Variants in TEX11 observed in about 807,000 individuals in gnomAD.
TEX11 encodes testis-expressed protein 11.
Under a neutral mutation model 84.4 loss-of-function variants are expected in TEX11, and 7 were observed. The observed-to-expected ratio is 0.08, with a 90% CI of 0.05 to 0.16. The LOEUF (loss-of-function observed/expected upper bound fraction) is 0.16, where lower values mean the gene tolerates loss of function less well. Ranked by LOEUF, TEX11 falls within the 10% of genes least tolerant of loss-of-function variation. TEX11 has a pLI of 1.00. For missense variants in TEX11, 551 were observed against 660.5 expected (o/e 0.83, Z 1.82); for synonymous variants, 264 against 222.8 (o/e 1.18, Z -1.64).
chrX:70,758,808 C>CA (rs1373902740), intron 9 of TEX11, among the ~76,000 whole-genome samples: 2 of 111,281 alleles, frequency 1.8e-5, no homozygotes, highest in Admixed American at 9.6e-5. Flanking sequence ...AAAAACCCTT[C>CA]AAAAAATCAA....
At chrX:70,583,151 A>C (rs2088803420) in intron 25 of TEX11, among the ~76,000 whole-genome samples, 1 of 111,515 alleles carries the variant, frequency 9.0e-6, no homozygotes, top group Non-Finnish European at 1.9e-5. Flanking sequence ...CAGTTTTGTT[A>C]CATGGATATA....
chrX:70,544,989 G>C (rs184938850), intron 28 of TEX11, among the ~76,000 whole-genome samples: 1 of 110,124 alleles, frequency 9.1e-6, no homozygotes, highest in Admixed American at 9.7e-5. Context: ...ACAATCACTT[G>C]AGGTCAGGAG....
At chrX:70,877,364 A>G (rs2091661117) in intron 3 of TEX11, among the ~76,000 whole-genome samples, 1 of 111,419 alleles carries the variant, frequency 9.0e-6, no homozygotes, top group South Asian at 3.7e-4. Flanking sequence ...TACTATCAAT[A>G]AAAAAACAGA....
In TEX11 at chrX:70,819,320, A is replaced by C. The variant is rs188999532; in HGVS notation, c.607-12530T>G. ...CAATGTGATATATACTATATTAACA[A>C]AATGAAAGATTAAAACCACATGATT... On this transcript the variant is annotated intron_variant, in intron 8 of 29. Transcript: ENST00000374333. Among the ~76,000 whole-genome samples, 25 of 112,365 alleles carry C rather than the reference A, an allele frequency of 2.2e-4. No homozygotes were observed. The Admixed American group carries it at 2.3e-3, about 10-fold the overall frequency.
rs192629752 is a variant in TEX11, at chrX:70,666,427, G to A, written c.1380+3950C>T. Among the ~76,000 whole-genome samples the A allele has an allele frequency of 1.8e-3, 206 of 111,947 alleles. 2 individuals carry two copies. Among genetic ancestry groups the A allele is most frequent in the Non-Finnish European group, 2.6e-3 (137 of 53,183 alleles). On this transcript the variant is annotated intron_variant, in intron 16 of 29. Coordinates refer to ENST00000374333, the MANE Select transcript of TEX11 (RefSeq NM_031276.3). The stretch of plus-strand genomic sequence containing the variant: ...AGTACTCCAGTTGAGGACAAACATA[G>A]TATACAAGGAAATAAAACAGAAACA...
chrX:70,746,823 T>C (rs753025876), intron 9 of TEX11, among the ~76,000 whole-genome samples: 2 of 112,129 alleles, frequency 1.8e-5, no homozygotes, highest in African/African-American at 6.5e-5. Context: ...AGAAAACCTC[T>C]GGGGTCACAC....
chrX:70,577,571 G>C (rs191247127), intron 25 of TEX11, among the ~76,000 whole-genome samples: 1 of 110,837 alleles, frequency 9.0e-6, no homozygotes, highest in Admixed American at 9.6e-5. Flanking sequence ...AAAAGATACC[G>C]CTGAATAAAC....
intron 11 of TEX11, among the ~76,000 whole-genome samples, chrX:70,733,000 C>T (rs1217192034): frequency 2.7e-5 from 3 of 111,750 alleles, no homozygotes; most frequent in Non-Finnish European, 3.8e-5. Flanking sequence ...TAATGCCACA[C>T]ATCTACAACT....
At chrX:70,554,589 G>T in intron 26 of TEX11, 62 bp downstream of exon 26, 1 of 1,069,664 alleles carries the variant, frequency 9.3e-7, no homozygotes, top group Non-Finnish European at 1.2e-6. Flanking sequence ...GTAAAGAGAA[G>T]AAAAAAAGTC....
In TEX11 at chrX:70,629,739, A is replaced by G. The variant is rs761532491; in HGVS notation, c.1484-4T>C. The G allele has an allele frequency of 1.6e-5, 18 of 1,123,195 alleles. No homozygotes were observed. The highest frequency in any genetic ancestry group is 2.2e-5 in the Non-Finnish European group (18 of 833,371). 92.6% of individuals were successfully genotyped at this position (1,123,195 alleles called of 1,213,427 possible). A position where few individuals can be genotyped will look rare whatever the true frequency, so the allele number is the denominator to read the frequency against. On this transcript the variant is annotated splice_region_variant and splice_polypyrimidine_tract_variant and intron_variant, in intron 17 of 29. Transcript: ENST00000374333. ...AAAGTAATTATTGCCTGCAAAGCTG[A>G]AAAACAAGAAAAAAATTCAAAAATG...
intron 17 of TEX11, among the ~76,000 whole-genome samples, chrX:70,650,192 TG>T (rs777875125): frequency 1.1e-4 from 12 of 111,058 alleles, no homozygotes; most frequent in Non-Finnish European, 1.9e-4. Flanking sequence ...TTCTACATTG[TG>T]GTGGTAGTTA....
At position 70,529,820 on chromosome X, in the gene TEX11, C is replaced by T; in HGVS notation, c.2685+15G>A. On this transcript the variant is annotated intron_variant, in intron 29 of 29. Coordinates refer to ENST00000374333, the MANE Select transcript of TEX11 (RefSeq NM_031276.3). ...CCTAGGTCATGTCATCTGCCCTAGC[C>T]CTCTCCCTCCTTACCTGAGTTTCAT... 1 of 1,199,504 alleles carries T rather than the reference C, an allele frequency of 8.3e-7. No homozygotes were observed. Among genetic ancestry groups the T allele is most frequent in the African/African-American group, 1.7e-5 (1 of 57,445 alleles).
At chrX:70,642,330 T>C (rs1346902960) in intron 17 of TEX11, among the ~76,000 whole-genome samples, 2 of 111,611 alleles carry the variant, frequency 1.8e-5, no homozygotes, top group Non-Finnish European at 3.8e-5. Flanking sequence ...AGCCGAATTC[T>C]ACCAGAGGTA....
intron 13 of TEX11, among the ~76,000 whole-genome samples, chrX:70,712,621 G>A (rs760903589): frequency 9.0e-6 from 1 of 111,207 alleles, no homozygotes; most frequent in African/African-American, 3.3e-5. Context: ...GAATGCCTGT[G>A]ATTTTTGCAC....
At chrX:70,840,730 A>G (rs1399531195) in intron 7 of TEX11, among the ~76,000 whole-genome samples, 4 of 111,594 alleles carry the variant, frequency 3.6e-5, no homozygotes, top group Non-Finnish European at 7.5e-5. Flanking sequence ...GTATTCAGGA[A>G]AGCCATCTCA....
downstream of TEX11, among the ~76,000 whole-genome samples, chrX:70,524,224 G>A (rs2087802539): frequency 2.7e-5 from 3 of 112,332 alleles, no homozygotes; most frequent in Admixed American, 2.8e-4. Flanking sequence ...GCTCTTTGAA[G>A]GAGAGACTTG....
intron 6 of TEX11, 31 bp from the exon 7 acceptor site, chrX:70,853,184 A>C (rs888423588): frequency 5.8e-6 from 7 of 1,209,823 alleles, no homozygotes; most frequent in Middle Eastern, 4.6e-4. Context: ...ACAATGTAAC[A>C]ATGAGAATAA....
At chrX:70,602,725 T>G (rs1356570198) in intron 24 of TEX11, among the ~76,000 whole-genome samples, 2 of 106,517 alleles carry the variant, frequency 1.9e-5, no homozygotes, top group Admixed American at 1.0e-4. Flanking sequence ...GAGAAGGAAA[T>G]AAAGGGTATC....
chrX:70,840,651 G>A (rs1175491366), intron 7 of TEX11, among the ~76,000 whole-genome samples: 10 of 110,259 alleles, frequency 9.1e-5, no homozygotes, highest in African/African-American at 3.0e-4. Context: ...AATGTAAATG[G>A]GCTAAATGCT....
Sources: allele counts gnomAD v4.1 joint callset (sites outside exome capture counted in the v4.1 genomes callset), GRCh38; gene constraint gnomAD v4.1.1; transcripts MANE v1.5; gene names NCBI Gene and HGNC (gene_info 2026-07-23, HGNC 2026-07-21).